IGFBP7: variants seen among roughly 807,000 people sequenced by gnomAD.
The protein encoded by IGFBP7 is insulin like growth factor binding protein 7.
In IGFBP7, 31 loss-of-function variants were observed where a neutral mutation model predicts 29.4. The observed-to-expected ratio is 1.05, with a 90% confidence interval of 0.79 to 1.42. IGFBP7 has a LOEUF of 1.42. Among genes scored for constraint, IGFBP7 ranks in the 40% most tolerant of loss-of-function variants. IGFBP7 has a pLI of 0.00. For synonymous variants in IGFBP7, 172 were observed against 174.9 expected (o/e 0.98, Z 0.13); for missense variants, 393 against 395.5 (o/e 0.99, Z 0.05).
intron 1 of IGFBP7, among the ~76,000 whole-genome samples, chr4:57,061,640 G>A (rs927798470): frequency 7.2e-5 from 11 of 152,086 alleles, no homozygotes; most frequent in East Asian, 1.9e-4. Context: ...ATTTCATCAC[G>A]CTACTCAGGA....
Position 57,033,269 on chromosome 4 carries a change from G to A in IGFBP7, c.628C>T (p.Pro210Ser), listed in dbSNP as rs746402182. The A allele has an allele frequency of 6.2e-7, 1 of 1,614,152 alleles. No individual in the cohort carries two copies. The highest frequency in any genetic ancestry group is 8.5e-7 in the Non-Finnish European group (1 of 1,179,992). Residue 210 changes from proline (P) to serine (S), a missense_variant, in exon 3 of 5, where the codon CCT (proline) becomes TCT (serine). By Grantham distance (74) the Pro-to-Ser change is moderately conservative. Coordinates refer to ENST00000295666, the MANE Select transcript of IGFBP7 (RefSeq NM_001553.3). Reference protein sequence around the residue: ...HYGVQRTELLPGDRDNLAIQT... With the variant: ...HYGVQRTELLSGDRDNLAIQT... Reference sequence around the variant, plus strand: ...ATGGCCAGGTTGTCCCGGTCACCAGGCAGGAGTTCTGTCCTTTGAACTCCA... The same window carrying A: ...ATGGCCAGGTTGTCCCGGTCACCAGACAGGAGTTCTGTCCTTTGAACTCCA...
chr4:57,081,802 T>C (rs529227295), intron 1 of IGFBP7, among the ~76,000 whole-genome samples: 4 of 152,258 alleles, frequency 2.6e-5, no homozygotes, highest in Admixed American at 2.0e-4. Flanking sequence ...AAAGTGGAAG[T>C]TCTAGGTCCT....
At chr4:57,037,904 G>A (rs1724122536) in intron 2 of IGFBP7, among the ~76,000 whole-genome samples, 1 of 152,174 alleles carries the variant, frequency 6.6e-6, no homozygotes, top group Non-Finnish European at 1.5e-5. Flanking sequence ...TTAGCAGTGA[G>A]GAACGCCTGC....
At chr4:57,089,824 T>C (rs1318927042) in intron 1 of IGFBP7, among the ~76,000 whole-genome samples, 1 of 152,232 alleles carries the variant, frequency 6.6e-6, no homozygotes, top group African/African-American at 2.4e-5. Context: ...TTTGCTCACC[T>C]GATATAATGG....
intron 1 of IGFBP7, chr4:57,073,209 A>G: frequency 1.0e-6 from 1 of 981,104 alleles, no homozygotes; most frequent in South Asian, 1.5e-5. Flanking sequence ...TGATTTTTGT[A>G]TAGCACTCTG....
chr4:57,036,239 A>G (rs886842489), intron 2 of IGFBP7, among the ~76,000 whole-genome samples: 1 of 152,216 alleles, frequency 6.6e-6, no homozygotes, highest in African/African-American at 2.4e-5. Context: ...ATATGCTTGG[A>G]TATGAAAAAG....
At chr4:57,064,385 T>C (rs975508700) in intron 1 of IGFBP7, among the ~76,000 whole-genome samples, 1 of 152,162 alleles carries the variant, frequency 6.6e-6, no homozygotes, top group Non-Finnish European at 1.5e-5. Flanking sequence ...GAAGTGCAAG[T>C]CTGTGTTGAC....
intron 1 of IGFBP7, among the ~76,000 whole-genome samples, chr4:57,085,299 C>A (rs1480332221): frequency 6.6e-6 from 1 of 152,086 alleles, no homozygotes; most frequent in Non-Finnish European, 1.5e-5. Flanking sequence ...TTCAGTGACT[C>A]CTGTTATCCG....
intron 1 of IGFBP7, among the ~76,000 whole-genome samples, chr4:57,068,960 G>A (rs1326987089): frequency 1.3e-5 from 2 of 152,146 alleles, no homozygotes; most frequent in Non-Finnish European, 2.9e-5. Flanking sequence ...TGAAGGACAC[G>A]AGAGAAATGT....
At position 57,061,307 on chromosome 4, in the gene IGFBP7, GT is replaced by G. The variant is rs532592138; in HGVS notation, c.476-20375del. Among the ~76,000 whole-genome samples the G allele has an allele frequency of 5.7e-3, 862 of 152,146 alleles. 8 individuals carry two copies. The highest frequency in any genetic ancestry group is 0.02 in the African/African-American group (835 of 41,498). ...TATTAATAGTATATATTAATACTAT[GT>G]TTTTTCCAATATTTTCCTATATATA... On this transcript the variant is annotated intron_variant, in intron 1 of 4. Coordinates refer to ENST00000295666, the MANE Select transcript of IGFBP7 (RefSeq NM_001553.3).
chr4:57,055,920 C>T (rs541659842), intron 1 of IGFBP7, among the ~76,000 whole-genome samples: 2 of 152,220 alleles, frequency 1.3e-5, no homozygotes, highest in East Asian at 1.9e-4. Context: ...GTGCGAATAG[C>T]CCCCTTCAGA....
At chr4:57,091,685 T>C (rs1452168746) in intron 1 of IGFBP7, among the ~76,000 whole-genome samples, 25 of 152,244 alleles carry the variant, frequency 1.6e-4, no homozygotes, top group Admixed American at 1.6e-3. Flanking sequence ...AGCTTTTCCA[T>C]TTTATACATG....
At chr4:57,096,949 T>C (rs1293463528) in intron 1 of IGFBP7, among the ~76,000 whole-genome samples, 3 of 152,206 alleles carry the variant, frequency 2.0e-5, no homozygotes, top group Non-Finnish European at 4.4e-5. Context: ...TTTCCGCCAA[T>C]AAGACTCTAA....
At chr4:57,048,094 C>A (rs1174091986) in intron 1 of IGFBP7, among the ~76,000 whole-genome samples, 1 of 150,648 alleles carries the variant, frequency 6.6e-6, no homozygotes, top group Non-Finnish European at 1.5e-5. Flanking sequence ...CTCTGTCGCC[C>A]AGTGTGGAGT....
intron 1 of IGFBP7, among the ~76,000 whole-genome samples, chr4:57,091,201 C>T (rs565582916): frequency 6.6e-6 from 1 of 152,306 alleles, no homozygotes; most frequent in South Asian, 2.1e-4. Context: ...CTTCCACATA[C>T]TGGTAATGAC....
chr4:57,040,228 G>A (rs11573113), intron 2 of IGFBP7, among the ~76,000 whole-genome samples: 3,866 of 152,110 alleles, frequency 0.025, 150 homozygotes, highest in African/African-American at 0.076. Flanking sequence ...CCAGCACTTA[G>A]GGAATCTGAA....
intron 1 of IGFBP7, among the ~76,000 whole-genome samples, chr4:57,068,432 G>A (rs1250635577): frequency 6.6e-6 from 1 of 152,092 alleles, no homozygotes; most frequent in East Asian, 1.9e-4. Flanking sequence ...GGAGGCGGGG[G>A]AAACGGCAGC....
chr4:57,076,415 T>C (rs1718848), intron 1 of IGFBP7, among the ~76,000 whole-genome samples: 125,308 of 152,180 alleles, frequency 0.82, 51,980 homozygotes, highest in East Asian at 0.99. Context: ...AGTCCTTGGA[T>C]GTCCCTCTCT....
At chr4:57,085,111 T>C (rs1289834249) in intron 1 of IGFBP7, among the ~76,000 whole-genome samples, 1 of 152,132 alleles carries the variant, frequency 6.6e-6, no homozygotes, top group Non-Finnish European at 1.5e-5. Context: ...TCTTTTTCTT[T>C]AAAGTGCAGT....
Sources: allele counts gnomAD v4.1 joint callset (sites outside exome capture counted in the v4.1 genomes callset), GRCh38; gene constraint gnomAD v4.1.1; transcripts MANE v1.5; gene names NCBI Gene and HGNC (gene_info 2026-07-23, HGNC 2026-07-21).